Variants in CNTN4 observed in about 807,000 individuals in gnomAD.
CNTN4 encodes the protein contactin-4.
Under a neutral mutation model 122.5 loss-of-function variants are expected in CNTN4, and 77 were observed. The observed-to-expected ratio is 0.63, with a 90% CI of 0.52 to 0.76. The LOEUF is 0.76. Ranked by LOEUF, CNTN4 falls within the 30% of genes least tolerant of loss-of-function variation. The probability of loss-of-function intolerance (pLI) is 0.00; values close to 1 mark genes in which losing one functional copy is unlikely to be tolerated. For missense variants in CNTN4, 1,256 were observed against 1,259.1 expected (o/e 1.00, Z 0.04); for synonymous variants, 512 against 447.0 (o/e 1.15, Z -1.83).
At chr3:2,890,480 T>C (rs963884190) in intron 10 of CNTN4, among the ~76,000 whole-genome samples, 1 of 152,236 alleles carries the variant, frequency 6.6e-6, no homozygotes, top group Non-Finnish European at 1.5e-5. Flanking sequence ...GGTTTGAGCT[T>C]AGAAACCTGC....
At chr3:3,051,499 A>C (rs977511071) in intron 23 of CNTN4, among the ~76,000 whole-genome samples, 5 of 152,196 alleles carry the variant, frequency 3.3e-5, no homozygotes, top group Non-Finnish European at 7.3e-5. Context: ...CCAGAGGTAA[A>C]TCAAAGCAGC....
chr3:2,734,084 G>A (rs1336825476), intron 4 of CNTN4, among the ~76,000 whole-genome samples: 2 of 151,956 alleles, frequency 1.3e-5, no homozygotes, highest in African/African-American at 2.4e-5. Context: ...TTTTGAGATA[G>A]CGTCTTGGTT....
intron 4 of CNTN4, among the ~76,000 whole-genome samples, chr3:2,727,473 A>G (rs972852198): frequency 1.3e-5 from 2 of 152,178 alleles, no homozygotes; most frequent in African/African-American, 2.4e-5. Context: ...CCAATTACTT[A>G]TTTTTAAAAG....
chr3:2,606,846 A>T (rs575537427), intron 4 of CNTN4, among the ~76,000 whole-genome samples: 33 of 152,322 alleles, frequency 2.2e-4, no homozygotes, highest in African/African-American at 7.0e-4. Context: ...TAAATGGAAG[A>T]TAGTAAGTAA....
chr3:2,286,830 T>C (rs2041917065), intron 2 of CNTN4, among the ~76,000 whole-genome samples: 1 of 152,126 alleles, frequency 6.6e-6, no homozygotes, highest in African/African-American at 2.4e-5. Context: ...TGAGAAACGT[T>C]TGAAGAAACC....
intron 3 of CNTN4, among the ~76,000 whole-genome samples, chr3:2,442,603 T>TA: frequency 6.6e-6 from 1 of 151,968 alleles, no homozygotes; most frequent in Non-Finnish European, 1.5e-5. Flanking sequence ...ATTTTTTTTT[T>TA]AATTGGGAGT....
At chr3:2,780,531 G>T (rs1289268966) in intron 6 of CNTN4, among the ~76,000 whole-genome samples, 1 of 152,132 alleles carries the variant, frequency 6.6e-6, no homozygotes, top group Non-Finnish European at 1.5e-5. Flanking sequence ...TGGATTTTAA[G>T]CTTCTCTTAA....
intron 2 of CNTN4, among the ~76,000 whole-genome samples, chr3:2,325,559 C>T (rs1031933427): frequency 6.6e-6 from 1 of 152,082 alleles, no homozygotes; most frequent in African/African-American, 2.4e-5. Flanking sequence ...CATTTCCAGC[C>T]CGGTGAAAGC....
chr3:2,818,493 A>G (rs1223256244), intron 6 of CNTN4, among the ~76,000 whole-genome samples: 1 of 152,200 alleles, frequency 6.6e-6, no homozygotes, highest in Non-Finnish European at 1.5e-5. Flanking sequence ...AACCCTGCAC[A>G]ACATACTTGA....
intron 23 of CNTN4, among the ~76,000 whole-genome samples, chr3:3,050,496 G>A (rs565283288): frequency 7.9e-5 from 12 of 152,068 alleles, no homozygotes; most frequent in South Asian, 4.2e-4. Flanking sequence ...GGGCACGGTG[G>A]CTCACACCTG....
chr3:2,563,264 A>G (rs1182886244), intron 3 of CNTN4, among the ~76,000 whole-genome samples: 1 of 152,200 alleles, frequency 6.6e-6, no homozygotes, highest in Non-Finnish European at 1.5e-5. Context: ...ATCTCATCAA[A>G]CTATACATAA....
At chr3:2,955,384 A>G (rs2094789113) in intron 13 of CNTN4, among the ~76,000 whole-genome samples, 1 of 152,186 alleles carries the variant, frequency 6.6e-6, no homozygotes, top group Non-Finnish European at 1.5e-5. Context: ...ATTTTGAGTG[A>G]CAAAATACAC....
intron 23 of CNTN4, among the ~76,000 whole-genome samples, chr3:3,048,692 A>G (rs1700936259): frequency 1.3e-5 from 2 of 152,186 alleles, no homozygotes; most frequent in Non-Finnish European, 2.9e-5. Flanking sequence ...GACCTTTGCT[A>G]GAGAATTTGA....
intron 13 of CNTN4, among the ~76,000 whole-genome samples, chr3:2,957,440 T>A (rs1379769630): frequency 2.0e-5 from 3 of 152,160 alleles, no homozygotes; most frequent in Admixed American, 2.0e-4. Context: ...GTCTTCTTTT[T>A]TTATTTCAAC....
At chr3:2,522,661 G>A (rs1371501293) in intron 3 of CNTN4, among the ~76,000 whole-genome samples, 1 of 151,972 alleles carries the variant, frequency 6.6e-6, no homozygotes, top group African/African-American at 2.4e-5. Flanking sequence ...ACATTAGTGT[G>A]TGGAAATGCA....
At chr3:2,991,196 T>C (rs1338677743) in intron 14 of CNTN4, among the ~76,000 whole-genome samples, 1 of 152,136 alleles carries the variant, frequency 6.6e-6, no homozygotes, top group Admixed American at 6.5e-5. Flanking sequence ...CACAACACTT[T>C]AAAAACTGAA....
At chr3:2,717,146 G>A (rs2087543531) in intron 4 of CNTN4, among the ~76,000 whole-genome samples, 1 of 152,104 alleles carries the variant, frequency 6.6e-6, no homozygotes, top group African/African-American at 2.4e-5. Context: ...GAGTTAACAG[G>A]CCTGACTGCT....
At chr3:2,428,257 G>A (rs1402246992) in intron 3 of CNTN4, among the ~76,000 whole-genome samples, 1 of 152,162 alleles carries the variant, frequency 6.6e-6, no homozygotes, top group African/African-American at 2.4e-5. Flanking sequence ...GCTCTTGTAA[G>A]GCAGGCCTGG....
intron 13 of CNTN4, among the ~76,000 whole-genome samples, chr3:2,945,396 G>A (rs775215547): frequency 8.6e-5 from 13 of 151,922 alleles, no homozygotes; most frequent in Non-Finnish European, 1.8e-4. Context: ...TCCTTTTTCC[G>A]ATCCTCCCCT....
Sources: gnomAD v4.1 joint callset for allele counts (sites outside exome capture counted in the v4.1 genomes callset) on GRCh38, gnomAD v4.1.1 for gene constraint, MANE v1.5 for transcripts, NCBI Gene and HGNC (gene_info 2026-07-23, HGNC 2026-07-21) for gene names.